GRID2: variants seen among roughly 807,000 people sequenced by gnomAD.
GRID2 encodes the protein glutamate ionotropic receptor delta type subunit 2.
A neutral mutation model predicts 114.8 loss-of-function variants in GRID2; 33 were observed. That is an observed-to-expected ratio of 0.29 (90% CI 0.22 to 0.38). The LOEUF (loss-of-function observed/expected upper bound fraction) is 0.38. GRID2 is among the 10% of genes least tolerant of loss of function. The probability of loss-of-function intolerance (pLI) is 1.00; values close to 1 mark genes in which losing one functional copy is unlikely to be tolerated. For synonymous variants in GRID2, 505 were observed against 449.9 expected, an observed-to-expected ratio of 1.12 and a Z score of -1.55; for missense variants, 1,184 against 1,257.7, an observed-to-expected ratio of 0.94 and a Z score of 0.89.
chr4:93,301,654 A>T (rs1161938500), intron 8 of GRID2, among the ~76,000 whole-genome samples: 1 of 152,182 alleles, frequency 6.6e-6, no homozygotes, highest in African/African-American at 2.4e-5. Context: ...TTATCAAAGT[A>T]CCACACAAGT....
In GRID2 at chr4:93,216,786, A is replaced by G. The variant is rs774945462; in HGVS notation, c.838A>G (p.Arg280Gly). 1.2e-6 allele frequency: 2 copies of G among 1,612,634 alleles called. No individual in the cohort carries two copies. The highest frequency in any genetic ancestry group is 3.3e-5 in the Admixed American group (2 of 59,986). ...VQELVRRSIG[R>G]LTIIRQTFPV... ...GGAACTTGTAAGAAGGTCAATTGGA[A>G]GGTTAACGATTATTCGGCAGACATT... is the stretch of plus-strand genomic sequence containing the variant. The change falls in exon 6 of 16, where the codon AGG becomes GGG. Residue 280 changes from arginine to glycine, a missense_variant. By Grantham distance (125) the Arg-to-Gly change is moderately radical (BLOSUM62 -2). Transcript: ENST00000282020.
At chr4:93,253,093 CA>C (rs34432102) in intron 8 of GRID2, among the ~76,000 whole-genome samples, 60 of 142,448 alleles carry the variant, frequency 4.2e-4, no homozygotes, top group Non-Finnish European at 4.1e-4. Context: ...ACTAAAAATA[CA>C]AAAAAAAAAA....
intron 2 of GRID2, among the ~76,000 whole-genome samples, chr4:93,033,552 C>T (rs1019426274): frequency 3.3e-5 from 5 of 152,126 alleles, no homozygotes; most frequent in African/African-American, 1.2e-4. Flanking sequence ...GCTCTCATGA[C>T]TGATCTTAGG....
At chr4:92,961,875 A>C (rs12186311) in intron 2 of GRID2, among the ~76,000 whole-genome samples, 87,865 of 150,436 alleles carry the variant, frequency 0.58, 26,928 homozygotes, top group African/African-American at 0.76. Context: ...ATCTTTTTTT[A>C]TTTTTCTTTT....
At chr4:93,760,101 G>C (rs1198730159) in intron 14 of GRID2, among the ~76,000 whole-genome samples, 2 of 152,292 alleles carry the variant, frequency 1.3e-5, no homozygotes, top group African/African-American at 4.8e-5. Flanking sequence ...TGTTACAAGA[G>C]TAAGAGGTAC....
intron 8 of GRID2, among the ~76,000 whole-genome samples, chr4:93,354,605 G>C (rs113666888): frequency 1.3e-5 from 2 of 150,614 alleles, no homozygotes; most frequent in Non-Finnish European, 3.0e-5. Flanking sequence ...AACACTTAAC[G>C]TGATTTTAAA....
Position 92,316,010 on chromosome 4 carries a change from A to G in GRID2, c.88+11266A>G, listed in dbSNP as rs532315055. ...ACAAAAAGCAAAAAAAAAAAAAAAA[A>G]AAAAGAAAAGAGAACCCGTTCTGTT... On this transcript the variant is annotated intron_variant, in intron 1 of 15. Coordinates refer to ENST00000282020, the MANE Select transcript of GRID2 (RefSeq NM_001510.4). Among the ~76,000 whole-genome samples the G allele has an allele frequency of 5.5e-3, 823 of 150,880 alleles. 3 individuals are homozygous for G. Among genetic ancestry groups the G allele is most frequent in the Non-Finnish European group, 8.7e-3 (585 of 67,618 alleles).
intron 14 of GRID2, among the ~76,000 whole-genome samples, chr4:93,652,129 T>C (rs572768641): frequency 6.6e-6 from 1 of 151,996 alleles, no homozygotes; most frequent in South Asian, 2.1e-4. Flanking sequence ...GGTCTTAAAA[T>C]GTAATTAAGG....
chr4:93,218,247 T>C (rs936049041), intron 6 of GRID2, among the ~76,000 whole-genome samples: 6 of 151,788 alleles, frequency 4.0e-5, no homozygotes, highest in African/African-American at 1.5e-4. Context: ...ACACCTACAA[T>C]CCCAGCAATC....
chr4:93,529,639 A>G (rs1290670598), intron 13 of GRID2, among the ~76,000 whole-genome samples: 1 of 152,118 alleles, frequency 6.6e-6, no homozygotes, highest in East Asian at 1.9e-4. Context: ...GTAATCCAAA[A>G]TATTTGATCA....
rs548096516 is a variant in GRID2, at chr4:93,508,166, A to G, written c.1998-7050A>G. ...AAAACTTAAAGTATAATATAATAAA[A>G]TAAAAAAGTTTTAGATTTTTTATTT... is the stretch of plus-strand genomic sequence containing the variant. On this transcript the variant is annotated intron_variant, in intron 12 of 15. Transcript: ENST00000282020. 1.5e-3 allele frequency among the ~76,000 whole-genome samples: 224 copies of G among 151,602 alleles called. 1 individual carries two copies. Among genetic ancestry groups the G allele is most frequent in the African/African-American group, 4.6e-3 (189 of 41,316 alleles).
chr4:93,722,662 A>G (rs987568674), intron 14 of GRID2, among the ~76,000 whole-genome samples: 2 of 152,182 alleles, frequency 1.3e-5, no homozygotes, highest in African/African-American at 4.8e-5. Context: ...ATATTTATGG[A>G]TCACTTCCTG....
At chr4:92,502,550 C>G (rs762736200) in intron 1 of GRID2, among the ~76,000 whole-genome samples, 1 of 151,418 alleles carries the variant, frequency 6.6e-6, no homozygotes, top group Non-Finnish European at 1.5e-5. Flanking sequence ...TCTGGAACAT[C>G]GAGGGTATAG....
In GRID2 at chr4:93,144,023, A is replaced by G. The variant is rs576585901; in HGVS notation, c.735+33070A>G. On this transcript the variant is annotated intron_variant, in intron 4 of 15. Transcript: ENST00000282020. ...CGTTATAATGTAATACATTTCCTCT[A>G]ATGCAAAATTAGCATGCATCTGAAT... Among the ~76,000 whole-genome samples the G allele has an allele frequency of 1.1e-4, 17 of 152,286 alleles. No homozygotes were observed. In the South Asian group the frequency reaches 3.5e-3, roughly 32 times the overall value.
chr4:92,586,905 T>C (rs1335396586), intron 1 of GRID2, among the ~76,000 whole-genome samples: 2 of 151,954 alleles, frequency 1.3e-5, no homozygotes, highest in African/African-American at 4.8e-5. Context: ...GTCAGTATGT[T>C]TGTATAAGGA....
intron 14 of GRID2, among the ~76,000 whole-genome samples, chr4:93,646,801 G>A (rs575208692): frequency 6.6e-6 from 1 of 152,204 alleles, no homozygotes; most frequent in African/African-American, 2.4e-5. Flanking sequence ...ACTGGAAACT[G>A]TTTGGATGTT....
At chr4:93,472,107 C>A (rs999556714) in intron 11 of GRID2, among the ~76,000 whole-genome samples, 2 of 150,952 alleles carry the variant, frequency 1.3e-5, no homozygotes, top group Admixed American at 6.6e-5. Flanking sequence ...GGCGGATCAC[C>A]TGAGGTTGGG....
chr4:92,707,434 A>G (rs1735006285), intron 2 of GRID2, among the ~76,000 whole-genome samples: 1 of 152,218 alleles, frequency 6.6e-6, no homozygotes, highest in African/African-American at 2.4e-5. Context: ...TCAAATACAA[A>G]TATATTAAAT....
At position 93,597,748 on chromosome 4, in the gene GRID2, T is replaced by C. The variant is rs568795585; in HGVS notation, c.2194-28521T>C. On this transcript the variant is annotated intron_variant, in intron 13 of 15. Coordinates refer to ENST00000282020, the MANE Select transcript of GRID2 (RefSeq NM_001510.4). ...GCAGGTTCAGCTGCTTCTTTCTACT[T>C]CTTTTGAATCCAAATATTTCTTTCT... is the stretch of plus-strand genomic sequence containing the variant. 1.1e-3 allele frequency among the ~76,000 whole-genome samples: 174 copies of C among 152,342 alleles called. 1 individual carries two copies. Among genetic ancestry groups the C allele is most frequent in the African/African-American group, 4.0e-3 (168 of 41,586 alleles).
Sources: allele counts gnomAD v4.1 joint callset (sites outside exome capture counted in the v4.1 genomes callset), GRCh38; gene constraint gnomAD v4.1.1; transcripts MANE v1.5; gene names NCBI Gene and HGNC (gene_info 2026-07-23, HGNC 2026-07-21).